Variants in ATP13A1 observed in about 807,000 individuals in gnomAD.
The protein encoded by ATP13A1 is ATPase 13A1.
In ATP13A1, 55 loss-of-function variants were observed where a neutral mutation model predicts 134.8. The ratio of observed to expected loss-of-function variants is 0.41; its 90% CI spans 0.33 to 0.51. The LOEUF (loss-of-function observed/expected upper bound fraction) is 0.51, where lower values mean the gene tolerates loss of function less well. Among genes scored for constraint, ATP13A1 ranks in the 20% least tolerant of loss-of-function variants. ATP13A1 has a pLI of 0.29. For synonymous variants in ATP13A1, 775 were observed against 725.1 expected (o/e 1.07, Z -1.10); for missense variants, 1,389 against 1,652.8 (o/e 0.84, Z 2.77).
At chr19:19,648,837 T>C (rs916043154) in intron 19 of ATP13A1, among the ~76,000 whole-genome samples, 1 of 115,430 alleles carries the variant, frequency 8.7e-6, no homozygotes, top group Admixed American at 9.2e-5. Context: ...AAAGGCAGGG[T>C]TCGGTGGGAT....
chr19:19,656,208 G>C lies in ATP13A1; in HGVS notation c.1084-25C>G. On this transcript the variant is annotated intron_variant, in intron 7 of 25. Transcript: ENST00000357324. This position sits in a 1 kb window ranked among gnomAD's most constrained non-coding sequence, Gnocchi z 4.6. ...CCTGGGGAGGAAGATCGTGAATCTG[G>C]ATGGCCAGGCCTACCTTGCTTCCTT... 4.4e-6 allele frequency: 7 copies of C among 1,582,210 alleles called. No homozygotes were observed. Among genetic ancestry groups the C allele is most frequent in the Non-Finnish European group, 6.0e-6 (7 of 1,162,336 alleles).
intron 1 of ATP13A1, among the ~76,000 whole-genome samples, chr19:19,661,489 C>T (rs891590863): frequency 6.6e-6 from 1 of 152,194 alleles, no homozygotes; most frequent in African/African-American, 2.4e-5. Flanking sequence ...TTCTCAGGAG[C>T]CCCTCCCTGG....
chr19:19,648,370 A>G (rs2144898821), intron 19 of ATP13A1, among the ~76,000 whole-genome samples: 1 of 152,238 alleles, frequency 6.6e-6, no homozygotes, highest in East Asian at 1.9e-4. Context: ...ATAGCCAAGG[A>G]GCATGATTCT....
chr19:19,657,117 C>T lies in ATP13A1; in HGVS notation c.783G>A (p.Glu261=). The T allele has an allele frequency of 1.3e-6, 2 of 1,516,374 alleles. No individual in the cohort carries two copies. The highest frequency in any genetic ancestry group is 8.8e-7 in the Non-Finnish European group (1 of 1,132,646). 93.9% of individuals were successfully genotyped at this position (1,516,374 alleles called of 1,614,324 possible). ...GCGTAAAGACGCTGTAGTACCAGTA[C>T]TCATCCAGGCACCAGAGCCCCACAC... ...VFCVGLWCLD[E]YWYYSVFTLS... Residue 261 remains glutamate, a synonymous_variant, in exon 5 of 26, where the codon GAG becomes GAA. Coordinates refer to ENST00000357324, the MANE Select transcript of ATP13A1 (RefSeq NM_020410.3).
At position 19,653,960 on chromosome 19, in the gene ATP13A1, C is replaced by T. The variant is rs1489592236; in HGVS notation, c.1989+9G>A. On this transcript the variant is annotated intron_variant, in intron 14 of 25. Coordinates refer to ENST00000357324, the MANE Select transcript of ATP13A1 (RefSeq NM_020410.3). This position sits in a 1 kb window ranked among gnomAD's most constrained non-coding sequence, Gnocchi z 4.2. ...CCCCACCCCTTGCCCCAGGCTGGGG[C>T]CAGCTCACCATGGAGTGCAGAGTTT... 5 of 1,588,600 alleles carry T rather than the reference C, an allele frequency of 3.1e-6. No individual in the cohort carries two copies. The highest frequency in any genetic ancestry group is 4.3e-6 in the Non-Finnish European group (5 of 1,168,196).
In ATP13A1 at chr19:19,653,139, G is replaced by A. The variant is rs193214145; in HGVS notation, c.2101-419C>T. On this transcript the variant is annotated intron_variant, in intron 15 of 25. Transcript: ENST00000357324. This position sits in a 1 kb window ranked among gnomAD's most constrained non-coding sequence, Gnocchi z 4.2. Reference sequence around the variant, plus strand: ...GAGCTCACACTGCACCAGGGGAGACGCATGATCAAGAAAGTCACAGAAATC... The same window carrying A: ...GAGCTCACACTGCACCAGGGGAGACACATGATCAAGAAAGTCACAGAAATC... 863 of 180,688 alleles carry A rather than the reference G, an allele frequency of 4.8e-3. 3 individuals carry two copies. Among genetic ancestry groups the A allele is most frequent in the Non-Finnish European group, 6.6e-3 (562 of 85,210 alleles). 11.2% of individuals were successfully genotyped at this position (180,688 alleles called of 1,614,324 possible).
Position 19,655,834 on chromosome 19 carries a change from T to C in ATP13A1, c.1269+44A>G, listed in dbSNP as rs1440874330. On this transcript the variant is annotated intron_variant, in intron 9 of 25. Transcript: ENST00000357324. The surrounding 1 kb of genome is among the most constrained non-coding windows in gnomAD (Gnocchi z 5.7). ...TCGGAAAGGGCTGATACCTTGGCTG[T>C]CCAACTGCCCTGGGGCCCGCCCTCC... The C allele has an allele frequency of 9.0e-6, 14 of 1,551,572 alleles. No individual in the cohort carries two copies. The highest frequency in any genetic ancestry group is 9.5e-6 in the Non-Finnish European group (11 of 1,153,674).
intron 3 of ATP13A1, among the ~76,000 whole-genome samples, chr19:19,657,813 A>T (rs1333450111): frequency 6.6e-6 from 1 of 152,168 alleles, no homozygotes; most frequent in Non-Finnish European, 1.5e-5. Context: ...ACTGAGACCC[A>T]GCCCCACCAA....
chr19:19,647,679 T>C lies in ATP13A1; in HGVS notation c.2713A>G (p.Ser905Gly), dbSNP rs1247839603. Residue 905 changes from serine (S) to glycine (G), a missense_variant, in exon 20 of 26, where the codon AGT becomes GGT. Ser to Gly is a moderately conservative substitution (Grantham distance 56). This residue lies in a region of ATP13A1 where 121 missense variants were observed against 104.9 expected (regional missense o/e 1.15). Coordinates refer to ENST00000357324, the MANE Select transcript of ATP13A1 (RefSeq NM_020410.3). The surrounding 1 kb of genome is among the most constrained non-coding windows in gnomAD (Gnocchi z 4.8). ...RPRDSPTLSN[S>G]GIRATSRTAK... ...GTCCTGGAGGTGGCTCTGATGCCACTGTTGCTCAGGGTTGGGCTGTCCCGG... is the reference window on the plus strand; with the variant it reads ...GTCCTGGAGGTGGCTCTGATGCCACCGTTGCTCAGGGTTGGGCTGTCCCGG... 6.2e-7 allele frequency: 1 copy of C among 1,612,634 alleles called. No individual in the cohort carries two copies. Among genetic ancestry groups the C allele is most frequent in the East Asian group, 2.2e-5 (1 of 44,858 alleles).
chr19:19,646,589 G>A (rs535504890), intron 22 of ATP13A1: 4 of 568,104 alleles, frequency 7.0e-6, no homozygotes, highest in African/African-American at 3.8e-5. Flanking sequence ...AGCCACAGGG[G>A]CCTGAGAATC....
Position 19,659,707 on chromosome 19 carries a change from G to A in ATP13A1, c.571C>T (p.Pro191Ser), listed in dbSNP as rs1336800641. The A allele has an allele frequency of 6.2e-7, 1 of 1,613,822 alleles. No homozygotes were observed. Among genetic ancestry groups the A allele is most frequent in the East Asian group, 2.2e-5 (1 of 44,882 alleles). The change falls in exon 3 of 26, where the codon CCC becomes TCC. Residue 191 changes from proline to serine, a missense_variant. Around this residue, in one of 4 missense-constraint regions of ATP13A1, gnomAD observed 747 missense variants for 956.1 expected, o/e 0.78. Coordinates refer to ENST00000357324, the MANE Select transcript of ATP13A1 (RefSeq NM_020410.3). ...YDALEKKQFL[P>S]VAFPVGNAFS... is the part of the protein sequence containing the mutation. ...GCGTTTCCCACAGGAAAGGCCACGG[G>A]GAGAAACTGCTTCTTCTCCAGGGCA...
intron 1 of ATP13A1, among the ~76,000 whole-genome samples, chr19:19,662,778 C>G (rs1402892332): frequency 6.6e-6 from 1 of 152,148 alleles, no homozygotes; most frequent in Non-Finnish European, 1.5e-5. Flanking sequence ...TATGGAAGAC[C>G]ACTAAGCACT....
At position 19,654,025 on chromosome 19, in the gene ATP13A1, T is replaced by C. The variant is rs1382251806; in HGVS notation, c.1933A>G (p.Thr645Ala). 3 of 1,598,568 alleles carry C rather than the reference T, an allele frequency of 1.9e-6. No homozygotes were observed. The highest frequency in any genetic ancestry group is 1.7e-5 in the Admixed American group (1 of 57,424). ...VLASYEKLGS[T>A]DLCYIAAVKG... ...ACGGCCGCGATGTAGCAGAGGTCGG[T>C]GGAGCCCAGCTTCTCATACGAGGCA... Residue 645 changes from threonine to alanine, a missense_variant, in exon 14 of 26, where the codon ACC becomes GCC. By Grantham distance (58) the Thr-to-Ala change is moderately conservative. Around this residue, in one of 4 missense-constraint regions of ATP13A1, gnomAD observed 747 missense variants for 956.1 expected, o/e 0.78. Coordinates refer to ENST00000357324, the MANE Select transcript of ATP13A1 (RefSeq NM_020410.3).
intron 1 of ATP13A1, 86 bp from the exon 2 acceptor site, chr19:19,660,073 C>T (rs749846595): frequency 1.8e-6 from 2 of 1,115,340 alleles, no homozygotes; most frequent in Non-Finnish European, 2.6e-6. Context: ...GGTGCAGCAG[C>T]TCTATGGGTA....
chr19:19,654,426 G>C, intron 13 of ATP13A1, 117 bp downstream of exon 13: 2 of 1,287,758 alleles, frequency 1.6e-6, no homozygotes, highest in Non-Finnish European at 1.0e-6. Flanking sequence ...ACCTCGGGGA[G>C]CATCAGAGCT....
Position 19,651,734 on chromosome 19 carries a change from T to A in ATP13A1, c.2290A>T (p.Ile764Phe). Residue 764 changes from isoleucine to phenylalanine, a missense_variant, in exon 17 of 26, where the codon ATT (isoleucine) becomes TTT (phenylalanine). Ile to Phe is a conservative substitution (Grantham distance 21). Around this residue, in one of 4 missense-constraint regions of ATP13A1, gnomAD observed 747 missense variants for 956.1 expected, o/e 0.78. Transcript: ENST00000357324. ...AGGATCAGCGTGTGGGCCTTTTCAA[T>A]GAAGTGCAGCTCCTGGGCCACGTGG... ...ACHVAQELHF[I>F]EKAHTLILQP... is the part of the protein sequence containing the mutation. The A allele has an allele frequency of 6.2e-7, 1 of 1,613,342 alleles. No homozygotes were observed. Among genetic ancestry groups the A allele is most frequent in the Non-Finnish European group, 8.5e-7 (1 of 1,179,638 alleles).
In ATP13A1 at chr19:19,653,880, C is replaced by T. The variant is rs1276752139; in HGVS notation, c.2004G>A (p.Pro668=). ...CGGTGTGGATGTGGTGGTAGTCGGGCGGGCACTGGGAGAACTGCAGGGAAT... is the reference window on the plus strand; with the variant it reads ...CGGTGTGGATGTGGTGGTAGTCGGGTGGGCACTGGGAGAACTGCAGGGAAT... ...ETLHSMFSQC[P]PDYHHIHTEI... Residue 668 remains proline (P), a synonymous_variant, in exon 15 of 26, where the codon CCG becomes CCA. Transcript: ENST00000357324. This position sits in a 1 kb window ranked among gnomAD's most constrained non-coding sequence, Gnocchi z 4.2. 9 of 1,566,872 alleles carry T rather than the reference C, an allele frequency of 5.7e-6. No homozygotes were observed. The highest frequency in any genetic ancestry group is 2.7e-5 in the African/African-American group (2 of 73,644).
rs199785084 is a variant in ATP13A1 at position 19,647,122 on chromosome 19, G to A, written c.3105+7C>T. ...ATCCCTGGCCTTCCAGCACCTCTGG[G>A]GCCCACCTTGGAACGGGAGATGAAG... On this transcript the variant is annotated splice_region_variant and intron_variant, in intron 22 of 25. Coordinates refer to ENST00000357324, the MANE Select transcript of ATP13A1 (RefSeq NM_020410.3). The surrounding 1 kb of genome is among the most constrained non-coding windows in gnomAD (Gnocchi z 4.8). The A allele has an allele frequency of 1.8e-5, 29 of 1,609,150 alleles. No homozygotes were observed. In the South Asian group the frequency reaches 2.1e-4, roughly 12 times the overall value.
chr19:19,662,217 T>C, intron 1 of ATP13A1: 1 of 1,528,396 alleles, frequency 6.5e-7, no homozygotes, highest in Non-Finnish European at 8.8e-7. Context: ...CTTTATTTTG[T>C]CCCTCATTGG....
Sources: allele counts gnomAD v4.1 joint callset (sites outside exome capture counted in the v4.1 genomes callset), GRCh38; gene constraint gnomAD v4.1.1; regional missense constraint gnomAD v4.1.1; non-coding constraint Gnocchi (gnomAD v3.1); transcripts MANE v1.5; gene names NCBI Gene and HGNC (gene_info 2026-07-23, HGNC 2026-07-21).